Variants in OTC observed in about 807,000 individuals in gnomAD.
The protein encoded by OTC is ornithine transcarbamylase, also known as ornithine transcarbamylase, mitochondrial.
In OTC, 3 loss-of-function variants were observed where a neutral mutation model predicts 30.3. The observed-to-expected ratio is 0.10, with a 90% CI of 0.05 to 0.26. The LOEUF (loss-of-function observed/expected upper bound fraction) is 0.26. Among genes scored for constraint, OTC ranks in the 10% least tolerant of loss-of-function variants. The pLI is 1.00. For synonymous variants in OTC, 111 were observed against 99.7 expected (o/e 1.11, Z -0.67); for missense variants, 194 against 260.3 (o/e 0.75, Z 1.75).
chrX:38,375,022 C>G (rs1278163102), intron 3 of OTC, among the ~76,000 whole-genome samples: 2 of 111,921 alleles, frequency 1.8e-5, no homozygotes, highest in African/African-American at 3.2e-5. Flanking sequence ...TGGGTCCTTT[C>G]TTCAGAGTCA....
intron 4 of OTC, among the ~76,000 whole-genome samples, chrX:38,398,812 C>T (rs1164663984): frequency 9.0e-6 from 1 of 111,729 alleles, no homozygotes; most frequent in African/African-American, 3.3e-5. Flanking sequence ...GGCCTAGGAC[C>T]TACTCTATTT....
At chrX:38,348,583 A>C (rs771854235), upstream of OTC, among the ~76,000 whole-genome samples, 2 of 95,380 alleles carry the variant, frequency 2.1e-5, no homozygotes, top group African/African-American at 8.1e-5. Context: ...GTCGCTCAGG[A>C]TGGAGTGCAG....
chrX:38,341,397 T>C, the OTC span, among the ~76,000 whole-genome samples: 3 of 112,117 alleles, frequency 2.7e-5, no homozygotes, highest in Admixed American at 2.8e-4. Context: ...GAAGATGATG[T>C]GTTATTTTCA....
the OTC span, among the ~76,000 whole-genome samples, chrX:38,346,999 A>G: frequency 1.8e-5 from 2 of 112,664 alleles, no homozygotes; most frequent in Non-Finnish European, 3.8e-5. Context: ...ATTTAACAAA[A>G]GAAAAATTGT....
intron 6 of OTC, among the ~76,000 whole-genome samples, chrX:38,404,195 C>A (rs1034197725): frequency 1.1e-4 from 12 of 112,303 alleles, no homozygotes; most frequent in Non-Finnish European, 3.8e-5. Context: ...TCTACACCAG[C>A]TTAGTATTTC....
upstream of OTC, among the ~76,000 whole-genome samples, chrX:38,348,606 G>A (rs1269900497): frequency 5.0e-5 from 5 of 99,379 alleles, no homozygotes; most frequent in African/African-American, 1.5e-4. Context: ...GCGCAATCTC[G>A]GCTCACTGCA....
intron 3 of OTC, among the ~76,000 whole-genome samples, chrX:38,378,050 G>A (rs1258717577): frequency 9.3e-6 from 1 of 107,130 alleles, no homozygotes; most frequent in African/African-American, 3.4e-5. Flanking sequence ...TGGCCAGACT[G>A]GTCACAAACT....
At chrX:38,330,483 C>T in the OTC span, among the ~76,000 whole-genome samples, 1 of 112,402 alleles carries the variant, frequency 8.9e-6, no homozygotes, top group Non-Finnish European at 1.9e-5. Flanking sequence ...GAAGTACTAA[C>T]TTCAGTCTCA....
intron 3 of OTC, among the ~76,000 whole-genome samples, chrX:38,378,088 G>A (rs1242537693): frequency 9.4e-6 from 1 of 106,542 alleles, no homozygotes; most frequent in Non-Finnish European, 1.9e-5. Context: ...CGCCCACCTT[G>A]GCCTCCCAAA....
chrX:38,362,084 A>C (rs1030259261), intron 1 of OTC, among the ~76,000 whole-genome samples: 2 of 112,109 alleles, frequency 1.8e-5, no homozygotes, highest in Non-Finnish European at 3.8e-5. Context: ...AGCCAAACTC[A>C]TAGATTCTAA....
chrX:38,339,592 T>C, the OTC span, among the ~76,000 whole-genome samples: 1 of 108,963 alleles, frequency 9.2e-6, no homozygotes, highest in African/African-American at 3.3e-5. Flanking sequence ...ATGATCATTT[T>C]GACCCAGTTT....
intron 3 of OTC, among the ~76,000 whole-genome samples, chrX:38,375,210 G>C (rs150152376): frequency 0.022 from 2,455 of 111,922 alleles, 65 homozygotes; most frequent in African/African-American, 0.076. Context: ...TAAATAAGTG[G>C]ATGATACAGT....
chrX:38,399,382 T>TC (rs1349058730), intron 4 of OTC, among the ~76,000 whole-genome samples: 2 of 110,949 alleles, frequency 1.8e-5, no homozygotes, highest in Non-Finnish European at 3.8e-5. Context: ...GATCCCTAGG[T>TC]CCCACTCCTA....
chrX:38,361,097 A>G (rs2068269114), intron 1 of OTC, among the ~76,000 whole-genome samples: 1 of 111,878 alleles, frequency 8.9e-6, no homozygotes, highest in Non-Finnish European at 1.9e-5. Context: ...TGAGGTCAGG[A>G]GTTCAAGACC....
chrX:38,409,468 G>A (rs1033929207), intron 8 of OTC, among the ~76,000 whole-genome samples: 1 of 112,482 alleles, frequency 8.9e-6, no homozygotes, highest in African/African-American at 3.2e-5. Flanking sequence ...GCATTCCCAG[G>A]GGACTCATCT....
At chrX:38,339,337 C>T in the OTC span, among the ~76,000 whole-genome samples, 2 of 111,146 alleles carry the variant, frequency 1.8e-5, no homozygotes, top group Non-Finnish European at 3.8e-5. Flanking sequence ...AGGTACTATG[C>T]TTACATGAGG....
intron 6 of OTC, among the ~76,000 whole-genome samples, 157 bp downstream of exon 6, chrX:38,403,897 T>C (rs1182248943): frequency 8.9e-6 from 1 of 112,573 alleles, no homozygotes; most frequent in African/African-American, 3.2e-5. Flanking sequence ...AATAGCTATC[T>C]GGCCTCTTGA....
intron 1 of OTC, among the ~76,000 whole-genome samples, chrX:38,358,122 T>A (rs2068251237): frequency 1.8e-5 from 2 of 111,474 alleles, no homozygotes; most frequent in Admixed American, 9.6e-5. Flanking sequence ...CTGGTTCTGG[T>A]GCTTGTGAAC....
rs190850707 is a variant in OTC, at chrX:38,357,469, C to T, written c.77+4696C>T. On this transcript the variant is annotated intron_variant, in intron 1 of 9. Transcript: ENST00000039007. Reference sequence around the variant, plus strand: ...GCCCATTGGCCCCCTCTTATGTCTCCAGAAGTTAAAGTCTTTATCTCAAAT... The same window carrying T: ...GCCCATTGGCCCCCTCTTATGTCTCTAGAAGTTAAAGTCTTTATCTCAAAT... Among the ~76,000 whole-genome samples the T allele has an allele frequency of 2.7e-5, 3 of 113,011 alleles. No individual in the cohort carries two copies. The East Asian group carries it at 8.4e-4, about 31-fold the overall frequency.
Sources: gnomAD v4.1 joint callset for allele counts (sites outside exome capture counted in the v4.1 genomes callset) on GRCh38, gnomAD v4.1.1 for gene constraint, MANE v1.5 for transcripts, NCBI Gene and HGNC (gene_info 2026-07-23, HGNC 2026-07-21) for gene names.